EML1: variants seen among roughly 807,000 people sequenced by gnomAD.
EML1 encodes echinoderm microtubule-associated protein-like 1.
In EML1, 27 loss-of-function variants were observed where a neutral mutation model predicts 110.4. The ratio of observed to expected loss-of-function variants is 0.24; its 90% confidence interval spans 0.18 to 0.34. The LOEUF is 0.34. Among genes scored for constraint, EML1 ranks in the 10% least tolerant of loss-of-function variants. EML1 has a pLI of 1.00. For synonymous variants in EML1, 344 were observed against 385.8 expected (o/e 0.89, Z 1.27); for missense variants, 741 against 1,030.9 (o/e 0.72, Z 3.85).
In EML1 at chr14:99,910,282, C is replaced by T; in HGVS notation, c.1280C>T (p.Ser427Phe). ...AAGTTTGTCCTCTGTGTGACTTTCT[C>T]TGAAAACGGTGACACCATTACTGGA... Reference protein sequence around the residue: ...KPKFVLCVTFSENGDTITGDS... With the variant: ...KPKFVLCVTFFENGDTITGDS... The change falls in exon 12 of 22, where the codon TCT becomes TTT. Residue 427 changes from serine (S) to phenylalanine (F), a missense_variant. Coordinates refer to ENST00000262233, the MANE Select transcript of EML1 (RefSeq NM_004434.3). 6.2e-7 allele frequency: 1 copy of T among 1,613,334 alleles called. No individual in the cohort carries two copies. The highest frequency in any genetic ancestry group is 8.5e-7 in the Non-Finnish European group (1 of 1,179,702).
At chr14:99,792,144 C>T (rs1471219751), upstream of EML1, among the ~76,000 whole-genome samples, 1 of 152,222 alleles carries the variant, frequency 6.6e-6, no homozygotes, top group Non-Finnish European at 1.5e-5. Context: ...GAGCCCTGTC[C>T]CTCACCTGCC....
chr14:99,922,984 C>G (rs1454180765), intron 17 of EML1, among the ~76,000 whole-genome samples: 2 of 152,162 alleles, frequency 1.3e-5, no homozygotes, highest in Non-Finnish European at 2.9e-5. Flanking sequence ...CACTCTGTCA[C>G]CCAGGCTGGA....
intron 1 of EML1, among the ~76,000 whole-genome samples, chr14:99,748,739 T>C (rs1177455461): frequency 4.6e-5 from 7 of 152,240 alleles, no homozygotes; most frequent in Non-Finnish European, 7.3e-5. Flanking sequence ...TTCAGAGTTG[T>C]GCAACCATCA....
chr14:99,813,609 A>G (rs2058117780), intron 1 of EML1, among the ~76,000 whole-genome samples: 2 of 152,096 alleles, frequency 1.3e-5, no homozygotes, highest in Non-Finnish European at 2.9e-5. Flanking sequence ...TGGGAGGCTG[A>G]GGTGGGAGGA....
chr14:99,934,614 A>G (rs995641216), intron 17 of EML1, among the ~76,000 whole-genome samples: 2 of 152,232 alleles, frequency 1.3e-5, no homozygotes, highest in Non-Finnish European at 2.9e-5. Flanking sequence ...TGCTATGAAA[A>G]TGCGCCGCTT....
chr14:99,921,465 CA>C (rs1191705158), intron 17 of EML1, among the ~76,000 whole-genome samples: 1 of 152,186 alleles, frequency 6.6e-6, no homozygotes, highest in Non-Finnish European at 1.5e-5. Flanking sequence ...TAGACATGCA[CA>C]TAATTATGGC....
chr14:99,878,675 C>A, intron 4 of EML1, 56 bp downstream of exon 4: 1 of 1,557,690 alleles, frequency 6.4e-7, no homozygotes. Context: ...TACGGCTTGT[C>A]CCCAGAGAGG....
In EML1 at chr14:99,850,096, A is replaced by ATT. The variant is rs561661395; in HGVS notation, c.68-743_68-742dup. ...AGGCACATACCACCACACCTGGCTA[A>ATT]TTTTTTTTTTTTTTTGGTATTTTGT... On this transcript the variant is annotated intron_variant, in intron 1 of 21. Coordinates refer to ENST00000262233, the MANE Select transcript of EML1 (RefSeq NM_004434.3). The ATT allele has an allele frequency of 5.0e-3, 1,551 of 312,442 alleles. 6 individuals are homozygous for ATT. Among genetic ancestry groups the ATT allele is most frequent in the African/African-American group, 0.022 (921 of 41,714 alleles). The allele number at this position is 312,442 out of a possible 1,614,324, so 19.4% of individuals were successfully genotyped here. A position where few individuals can be genotyped will look rare whatever the true frequency, so the allele number is the denominator to read the frequency against.
rs1274766073 is a variant in EML1, at chr14:99,901,004, G to A, written c.973G>A (p.Asp325Asn). The A allele has an allele frequency of 2.5e-6, 4 of 1,613,958 alleles. No individual in the cohort carries two copies. Among genetic ancestry groups the A allele is most frequent in the Non-Finnish European group, 2.5e-6 (3 of 1,180,004 alleles). The change falls in exon 9 of 22, where the codon GAC becomes AAC. Residue 325 changes from aspartate to asparagine, a missense_variant. Physicochemically the swap from Asp to Asn is conservative, Grantham distance 23 (BLOSUM62 1). Coordinates refer to ENST00000262233, the MANE Select transcript of EML1 (RefSeq NM_004434.3). Reference sequence around the variant, plus strand: ...CCACGTCATTGGAATAGGTTTTTTTGACCGAGCAGTCACCTGTATTGCATT... The same window carrying A: ...CCACGTCATTGGAATAGGTTTTTTTAACCGAGCAGTCACCTGTATTGCATT... ...TLHVIGIGFF[D>N]RAVTCIAFSK...
intron 17 of EML1, among the ~76,000 whole-genome samples, chr14:99,935,738 G>A (rs963862431): frequency 3.0e-5 from 4 of 132,812 alleles, no homozygotes; most frequent in Admixed American, 8.6e-5. Flanking sequence ...AGTCGAGATC[G>A]CACCACTGCA....
intron 17 of EML1, among the ~76,000 whole-genome samples, chr14:99,928,833 C>T (rs1395894007): frequency 6.6e-6 from 1 of 152,194 alleles, no homozygotes; most frequent in African/African-American, 2.4e-5. Context: ...GACAACTGCT[C>T]AGCCCCCTTG....
intron 1 of EML1, among the ~76,000 whole-genome samples, chr14:99,801,564 A>G (rs531671704): frequency 2.0e-5 from 3 of 152,082 alleles, no homozygotes; most frequent in African/African-American, 7.2e-5. Flanking sequence ...GCAGTGAGCC[A>G]AGATCGTGCC....
At chr14:99,871,342 A>G (rs765137734) in intron 3 of EML1, among the ~76,000 whole-genome samples, 2 of 152,108 alleles carry the variant, frequency 1.3e-5, no homozygotes, top group Non-Finnish European at 2.9e-5. Flanking sequence ...TCAACATTTT[A>G]AAAGTCTTTA....
chr14:99,902,766 C>T (rs892427975), intron 9 of EML1, among the ~76,000 whole-genome samples: 3 of 152,166 alleles, frequency 2.0e-5, no homozygotes, highest in African/African-American at 4.8e-5. Context: ...AAATTCCTCT[C>T]CTCTTGGGGG....
At chr14:99,752,949 G>C (rs76826792) in intron 1 of EML1, among the ~76,000 whole-genome samples, 1 of 152,100 alleles carries the variant, frequency 6.6e-6, no homozygotes, top group Admixed American at 6.5e-5. Context: ...AAGGCAGGGC[G>C]TGCAATGAAA....
intron 17 of EML1, among the ~76,000 whole-genome samples, chr14:99,923,285 A>G (rs115086418): frequency 2.4e-4 from 37 of 152,282 alleles, no homozygotes; most frequent in African/African-American, 8.7e-4. Flanking sequence ...AAAGCTTTCA[A>G]TTCTGATGAA....
intron 1 of EML1, among the ~76,000 whole-genome samples, chr14:99,800,751 C>A (rs2057860513): frequency 6.6e-6 from 1 of 152,212 alleles, no homozygotes; most frequent in East Asian, 1.9e-4. Context: ...CGGGGAAAAC[C>A]ATTTTTTGCA....
rs999735913 is a variant in EML1 at position 99,941,924 on chromosome 14, A to C, written c.*1812A>C. On this transcript the variant is annotated 3_prime_UTR_variant, in exon 22 of 22. Transcript: ENST00000262233. ...TCCTGTTTGCCAAGCTCAATAATGGACAAAGGATACAAACACACACACATC... is the reference window on the plus strand; with the variant it reads ...TCCTGTTTGCCAAGCTCAATAATGGCCAAAGGATACAAACACACACACATC... 1.3e-5 allele frequency: 2 copies of C among 152,242 alleles called. No homozygotes were observed. The allele number at this position is 152,242 out of a possible 1,614,324, so 9.4% of individuals were successfully genotyped here. A position where few individuals can be genotyped will look rare whatever the true frequency, so the allele number is the denominator to read the frequency against.
chr14:99,753,857 G>A (rs957903660), intron 1 of EML1, among the ~76,000 whole-genome samples: 8 of 152,210 alleles, frequency 5.3e-5, no homozygotes, highest in African/African-American at 1.9e-4. Context: ...TCAGCTAGGT[G>A]GTATTATCAT....
Sources: allele counts gnomAD v4.1 joint callset (sites outside exome capture counted in the v4.1 genomes callset), GRCh38; gene constraint gnomAD v4.1.1; transcripts MANE v1.5; gene names NCBI Gene and HGNC (gene_info 2026-07-23, HGNC 2026-07-21).